DYNLT3: variants seen among roughly 807,000 people sequenced by gnomAD.
DYNLT3 encodes dynein light chain Tctex-type 3, also known as protein 91/23.
A neutral mutation model predicts 11.0 loss-of-function variants in DYNLT3; 4 were observed. That is an observed-to-expected ratio of 0.36 (90% CI 0.18 to 0.83). DYNLT3 has a LOEUF of 0.83. Ranked by LOEUF, DYNLT3 falls within the 40% of genes least tolerant of loss-of-function variation. DYNLT3 has a pLI of 0.47. For synonymous variants in DYNLT3, 37 were observed against 31.2 expected (o/e 1.18, Z -0.61); for missense variants, 91 against 91.1 (o/e 1.00, Z 0.01).
Position 37,847,546 on chromosome X carries a change from C to A in DYNLT3, c.-36G>T, listed in dbSNP as rs946795064. The A allele has an allele frequency of 2.6e-5, 25 of 961,779 alleles. No individual in the cohort carries two copies. 79.3% of individuals were successfully genotyped at this position (961,779 alleles called of 1,213,427 possible). On this transcript the variant is annotated 5_prime_UTR_variant, in exon 1 of 5. Transcript: ENST00000378578. ...GCTCTCCCTGGGGCGGAGCGACACG[C>A]CGGTAGAGCACCGCGGCCGCGCACT...
chrX:37,843,019 AG>A (rs1930201392), intron 2 of DYNLT3, among the ~76,000 whole-genome samples: 1 of 112,300 alleles, frequency 8.9e-6, no homozygotes, highest in South Asian at 3.7e-4. Context: ...TACTATAATT[AG>A]ACCACAGTAA....
chrX:37,842,654 G>A (rs1254918316), intron 2 of DYNLT3, among the ~76,000 whole-genome samples: 2 of 111,568 alleles, frequency 1.8e-5, no homozygotes, highest in Non-Finnish European at 3.8e-5. Flanking sequence ...TATCTGCTAT[G>A]TGACCTTTAG....
intron 3 of DYNLT3, among the ~76,000 whole-genome samples, chrX:37,841,337 A>G (rs1016072295): frequency 4.4e-5 from 5 of 112,437 alleles, no homozygotes; most frequent in Non-Finnish European, 9.4e-5. Flanking sequence ...TTTTCTGACC[A>G]TTGTCATTAC....
rs753015949 is a variant in DYNLT3, at chrX:37,839,520, C to G, written c.*1055G>C. ...ACTAAAGCAATGACAAAATTTACTACTTGTATAGGTAAGACTGATAATAAG... is the reference window on the plus strand; with the variant it reads ...ACTAAAGCAATGACAAAATTTACTAGTTGTATAGGTAAGACTGATAATAAG... On this transcript the variant is annotated 3_prime_UTR_variant, in exon 5 of 5. Transcript: ENST00000378578. 2 of 112,297 alleles carry G rather than the reference C, an allele frequency of 1.8e-5. No homozygotes were observed. The highest frequency in any genetic ancestry group is 1.9e-4 in the Admixed American group (2 of 10,561). 9.3% of individuals were successfully genotyped at this position (112,297 alleles called of 1,213,427 possible). A position where few individuals can be genotyped will look rare whatever the true frequency, so the allele number is the denominator to read the frequency against.
In DYNLT3 at chrX:37,839,870, T is replaced by C. The variant is rs1490663549; in HGVS notation, c.*705A>G. 1 of 112,293 alleles carries C rather than the reference T, an allele frequency of 8.9e-6. No individual in the cohort carries two copies. Among genetic ancestry groups the C allele is most frequent in the Non-Finnish European group, 1.9e-5 (1 of 53,165 alleles). The allele number at this position is 112,293 out of a possible 1,213,427, so 9.3% of individuals were successfully genotyped here. ...TTTGTTCCACATGGAATGAGTGAAT[T>C]GTAAGGCAGCTGTTTGAGTCATACA... is the stretch of plus-strand genomic sequence containing the variant. On this transcript the variant is annotated 3_prime_UTR_variant, in exon 5 of 5. Transcript: ENST00000378578.
chrX:37,846,842 T>C (rs1298488156), intron 1 of DYNLT3, among the ~76,000 whole-genome samples: 4 of 111,860 alleles, frequency 3.6e-5, no homozygotes, highest in African/African-American at 1.3e-4. Flanking sequence ...ATTATGAAAA[T>C]ACTTGATAAC....
chrX:37,847,412 AC>A, intron 1 of DYNLT3, 68 bp downstream of exon 1: 1 of 999,247 alleles, frequency 1.0e-6, no homozygotes, highest in Non-Finnish European at 1.3e-6. Context: ...CTGGGAGACC[AC>A]CCGGCAAGAG....
chrX:37,845,961 AG>A (rs1363785380), intron 2 of DYNLT3, among the ~76,000 whole-genome samples: 1 of 112,303 alleles, frequency 8.9e-6, no homozygotes, highest in Non-Finnish European at 1.9e-5. Flanking sequence ...ACCGGAGGTC[AG>A]GAATTCGAAA....
intron 2 of DYNLT3, among the ~76,000 whole-genome samples, chrX:37,844,726 C>T (rs919997725): frequency 6.3e-5 from 7 of 111,498 alleles, no homozygotes; most frequent in African/African-American, 2.0e-4. Context: ...ATTGTTCTAA[C>T]ATCTCATTTG....
In DYNLT3 at chrX:37,840,707, A is replaced by AATATAT. The variant is rs745873902; in HGVS notation, c.275-62_275-57dup. On this transcript the variant is annotated intron_variant, in intron 4 of 4. Transcript: ENST00000378578. Reference sequence around the variant, plus strand: ...CAGCAAAACATAAAAATTATCAGAGAATATATATATATATATACACACACA... The same window carrying AATATAT: ...CAGCAAAACATAAAAATTATCAGAGAATATATATATATATATATATATACACACACA... The AATATAT allele has an allele frequency of 1.1e-5, 7 of 646,321 alleles. No individual in the cohort carries two copies. In the African/African-American group the frequency reaches 1.6e-4, roughly 15 times the overall value. The allele number at this position is 646,321 out of a possible 1,213,427, so 53.3% of individuals were successfully genotyped here.
chrX:37,847,448 G>T (rs984285342), intron 1 of DYNLT3, 33 bp downstream of exon 1: 35 of 1,000,197 alleles, frequency 3.5e-5, no homozygotes, highest in Admixed American at 2.5e-4. Flanking sequence ...AGGCGGGAGT[G>T]GGGGGCGCTC....
At chrX:37,841,541 C>G (rs1930160103) in intron 3 of DYNLT3, among the ~76,000 whole-genome samples, 2 of 111,466 alleles carry the variant, frequency 1.8e-5, no homozygotes, top group Admixed American at 1.9e-4. Flanking sequence ...AAAGAAAGAA[C>G]TGATGGAAAT....
chrX:37,840,369 C>T lies in DYNLT3; in HGVS notation c.*206G>A, dbSNP rs886069594. 5 of 259,707 alleles carry T rather than the reference C, an allele frequency of 1.9e-5. No homozygotes were observed. The highest frequency in any genetic ancestry group is 1.4e-4 in the African/African-American group (5 of 35,123). The allele number at this position is 259,707 out of a possible 1,213,427, so 21.4% of individuals were successfully genotyped here. ...ATTTTTTGCTAGCATTAAATTTTTC[C>T]TATTTAAACGATGCTGTATAGAATA... On this transcript the variant is annotated 3_prime_UTR_variant, in exon 5 of 5. Transcript: ENST00000378578.
chrX:37,842,439 G>A (rs768142674), intron 2 of DYNLT3, among the ~76,000 whole-genome samples: 1 of 109,398 alleles, frequency 9.1e-6, no homozygotes, highest in African/African-American at 3.5e-5. Context: ...AACAACAACT[G>A]ATTATATTCT....
intron 2 of DYNLT3, among the ~76,000 whole-genome samples, chrX:37,843,551 ATGT>A (rs1930210910): frequency 1.8e-5 from 2 of 112,263 alleles, no homozygotes; most frequent in Admixed American, 9.4e-5. Flanking sequence ...TATTCAACAA[ATGT>A]TGTTGAAGCA....
intron 4 of DYNLT3, 87 bp downstream of exon 4, chrX:37,840,941 T>G: frequency 1.0e-6 from 1 of 963,281 alleles, no homozygotes; most frequent in Non-Finnish European, 1.5e-6. Flanking sequence ...CAGAATTTAA[T>G]CAGAATTAAA....
intron 1 of DYNLT3, among the ~76,000 whole-genome samples, chrX:37,846,690 TAAG>T (rs1167531312): frequency 1.8e-5 from 2 of 111,639 alleles, no homozygotes; most frequent in African/African-American, 6.5e-5. Flanking sequence ...TTATGTGTCA[TAAG>T]AATATAGAAA....
In DYNLT3 at chrX:37,839,008, G is replaced by A. The variant is rs1456808652; in HGVS notation, c.*1567C>T. On this transcript the variant is annotated 3_prime_UTR_variant, in exon 5 of 5. Transcript: ENST00000378578. ...ATCTTCCAGGGCACAAAAGCCAGCA[G>A]CATAAAGAAACATGAATAATGACTG... 3.6e-5 allele frequency: 4 copies of A among 111,565 alleles called. No individual in the cohort carries two copies. Among genetic ancestry groups the A allele is most frequent in the African/African-American group, 1.3e-4 (4 of 30,712 alleles). The allele number at this position is 111,565 out of a possible 1,213,427, so 9.2% of individuals were successfully genotyped here.
intron 4 of DYNLT3, among the ~76,000 whole-genome samples, 154 bp from the exon 5 acceptor site, chrX:37,840,805 TATAC>T (rs59797168): frequency 0.11 from 7,897 of 69,857 alleles, 483 homozygotes; most frequent in African/African-American, 0.37. Flanking sequence ...TATATATATA[TATAC>T]ACATACATTT....
Sources: gnomAD v4.1 joint callset for allele counts (sites outside exome capture counted in the v4.1 genomes callset) on GRCh38, gnomAD v4.1.1 for gene constraint, MANE v1.5 for transcripts, NCBI Gene and HGNC (gene_info 2026-07-23, HGNC 2026-07-21) for gene names.